PRDM6: variants seen among roughly 807,000 people sequenced by gnomAD.
The protein encoded by PRDM6 is PR/SET domain 6, also known as putative histone-lysine N-methyltransferase PRDM6.
A neutral mutation model predicts 60.8 loss-of-function variants in PRDM6; 25 were observed. The ratio of observed to expected loss-of-function variants is 0.41; its 90% CI spans 0.30 to 0.57. The LOEUF (loss-of-function observed/expected upper bound fraction) is 0.57, where lower values mean the gene tolerates loss of function less well. PRDM6 is among the 20% of genes least tolerant of loss of function. The pLI is 0.27. For synonymous variants in PRDM6, 407 were observed against 357.4 expected (o/e 1.14, Z -1.57); for missense variants, 839 against 821.3 (o/e 1.02, Z -0.26).
intron 3 of PRDM6, among the ~76,000 whole-genome samples, chr5:123,104,463 C>A (rs1476380861): frequency 6.6e-6 from 1 of 151,886 alleles, no homozygotes; most frequent in African/African-American, 2.4e-5. Context: ...ATTATATATT[C>A]CATATTCTGC....
chr5:123,182,582 G>A (rs1766189407), intron 7 of PRDM6, among the ~76,000 whole-genome samples: 1 of 152,088 alleles, frequency 6.6e-6, no homozygotes, highest in African/African-American at 2.4e-5. Flanking sequence ...TTTAACATCT[G>A]TTTTTGTCAT....
At chr5:123,117,291 C>A (rs1289203787) in intron 3 of PRDM6, among the ~76,000 whole-genome samples, 1 of 152,150 alleles carries the variant, frequency 6.6e-6, no homozygotes, top group African/African-American at 2.4e-5. Context: ...GGGAAAAAGG[C>A]AATAAACATA....
At chr5:123,151,705 G>A (rs1765372846) in intron 3 of PRDM6, among the ~76,000 whole-genome samples, 1 of 123,580 alleles carries the variant, frequency 8.1e-6, no homozygotes, top group African/African-American at 3.0e-5. Context: ...GTTGGTGACT[G>A]AGTTTTTCAT....
chr5:123,167,843 A>T (rs1422001458), intron 5 of PRDM6, among the ~76,000 whole-genome samples: 1 of 152,126 alleles, frequency 6.6e-6, no homozygotes, highest in Admixed American at 6.6e-5. Context: ...CATGTTGATG[A>T]CATCTTCATT....
intron 7 of PRDM6, among the ~76,000 whole-genome samples, chr5:123,181,420 G>A (rs780051723): frequency 4.6e-5 from 7 of 152,194 alleles, no homozygotes; most frequent in East Asian, 1.9e-4. Context: ...CTAGACATAC[G>A]GGGCATGGGG....
intron 5 of PRDM6, among the ~76,000 whole-genome samples, chr5:123,169,197 A>G (rs1412213043): frequency 1.3e-5 from 2 of 152,210 alleles, no homozygotes; most frequent in East Asian, 1.9e-4. Context: ...GAAATGATCC[A>G]TAGATATAGT....
chr5:123,146,502 A>G lies in PRDM6; in HGVS notation c.901-9382A>G, dbSNP rs575142402. Among the ~76,000 whole-genome samples the G allele has an allele frequency of 2.6e-4, 40 of 152,356 alleles. No homozygotes were observed. In the South Asian group the frequency reaches 8.3e-3, roughly 32 times the overall value. On this transcript the variant is annotated intron_variant, in intron 3 of 7. Transcript: ENST00000407847. The stretch of plus-strand genomic sequence containing the variant: ...ATAATAGTTCCATTTCCTGTTTGGT[A>G]TAAAACTAAGGCTTTATTTTTAAAA...
rs756488768 is a variant in PRDM6 at position 123,090,004 on chromosome 5, A to C, written c.-11A>C. On this transcript the variant is annotated 5_prime_UTR_variant, in exon 2 of 8. Coordinates refer to ENST00000407847, the MANE Select transcript of PRDM6 (RefSeq NM_001136239.4). ...TTCCCTGCCCTCTGCCCCCAGTTCG[A>C]GGCGCCGGACATGCTGAAGCCCGGA... The C allele has an allele frequency of 6.5e-7, 1 of 1,543,468 alleles. No homozygotes were observed. The highest frequency in any genetic ancestry group is 1.4e-5 in the African/African-American group (1 of 71,972).
chr5:123,134,718 A>G (rs552641661), intron 3 of PRDM6, among the ~76,000 whole-genome samples: 3 of 152,282 alleles, frequency 2.0e-5, no homozygotes, highest in African/African-American at 7.2e-5. Flanking sequence ...ATCTCTACCA[A>G]TCATTTTCAA....
intron 3 of PRDM6, among the ~76,000 whole-genome samples, chr5:123,123,939 A>G (rs1490998063): frequency 6.6e-6 from 1 of 151,932 alleles, no homozygotes; most frequent in Non-Finnish European, 1.5e-5. Context: ...GGGTATTTGA[A>G]TATTCTGAAA....
intron 3 of PRDM6, among the ~76,000 whole-genome samples, chr5:123,102,151 AC>A (rs1391812210): frequency 6.6e-6 from 1 of 152,140 alleles, no homozygotes; most frequent in East Asian, 1.9e-4. Flanking sequence ...GGATTTTAAA[AC>A]TTTAGCCATA....
At chr5:123,145,691 A>C (rs571507461) in intron 3 of PRDM6, among the ~76,000 whole-genome samples, 2 of 152,152 alleles carry the variant, frequency 1.3e-5, no homozygotes, top group African/African-American at 4.8e-5. Flanking sequence ...GCACTGTCCC[A>C]ACGTGACATA....
intron 3 of PRDM6, among the ~76,000 whole-genome samples, chr5:123,153,346 A>T (rs941741204): frequency 2.2e-4 from 34 of 152,176 alleles, no homozygotes; most frequent in Admixed American, 1.9e-3. Flanking sequence ...GGAGAGAATG[A>T]CATAAATGCA....
Position 123,171,010 on chromosome 5 carries a change from G to A in PRDM6, c.1398G>A (p.Glu466=), listed in dbSNP as rs1436951404. Residue 466 remains glutamate (E), a synonymous_variant, in exon 6 of 8, where the codon GAG becomes GAA. Transcript: ENST00000407847. ...SPTSTSQLHS[E]FSDWHLWKCG... The stretch of plus-strand genomic sequence containing the variant: ...CTTCCACAAGCCAGCTCCACTCGGA[G>A]TTCAGTGACTGGCATCTTTGGAAAT... 9.0e-6 allele frequency: 14 copies of A among 1,551,822 alleles called. No homozygotes were observed. The highest frequency in any genetic ancestry group is 1.7e-4 in the Middle Eastern group (1 of 6,016).
chr5:123,108,842 G>A (rs1764247719), intron 3 of PRDM6, among the ~76,000 whole-genome samples: 1 of 152,050 alleles, frequency 6.6e-6, no homozygotes. Flanking sequence ...CACAGTTTTG[G>A]TAAAAGATAT....
At chr5:123,134,159 C>T (rs75810714) in intron 3 of PRDM6, among the ~76,000 whole-genome samples, 1,617 of 152,138 alleles carry the variant, frequency 0.011, 23 homozygotes, top group African/African-American at 0.037. Context: ...CATAAAAACT[C>T]GAAATTTATC....
At chr5:123,148,437 A>G (rs369513838) in intron 3 of PRDM6, among the ~76,000 whole-genome samples, 2 of 152,156 alleles carry the variant, frequency 1.3e-5, no homozygotes, top group African/African-American at 4.8e-5. Context: ...AGTTAATTGT[A>G]ATAGGTGGAG....
chr5:123,099,964 A>G lies in PRDM6; in HGVS notation c.900+3A>G, dbSNP rs1260438564. The G allele has an allele frequency of 6.7e-7, 1 of 1,502,712 alleles. No homozygotes were observed. The highest frequency in any genetic ancestry group is 2.5e-5 in the East Asian group (1 of 39,538). 93.1% of individuals were successfully genotyped at this position (1,502,712 alleles called of 1,614,324 possible). ...GGAACACGCAGCATCTCTGGGAGGT[A>G]AGTGGCCGGCTGCACAGCGCCTCCC... On this transcript the variant is annotated splice_donor_region_variant and intron_variant, in intron 3 of 7. Coordinates refer to ENST00000407847, the MANE Select transcript of PRDM6 (RefSeq NM_001136239.4). This position sits in a 1 kb window ranked among gnomAD's most constrained non-coding sequence, Gnocchi z 4.0.
chr5:123,162,944 T>A (rs551330348), intron 5 of PRDM6, among the ~76,000 whole-genome samples: 23 of 152,336 alleles, frequency 1.5e-4, no homozygotes, highest in African/African-American at 5.3e-4. Flanking sequence ...TAAAAGGGCA[T>A]GGGCAGATAA....
Sources: allele counts gnomAD v4.1 joint callset (sites outside exome capture counted in the v4.1 genomes callset), GRCh38; gene constraint gnomAD v4.1.1; non-coding constraint Gnocchi (gnomAD v3.1); transcripts MANE v1.5; gene names NCBI Gene and HGNC (gene_info 2026-07-23, HGNC 2026-07-21).